Variants in SLC35D2 observed in about 807,000 individuals in gnomAD.
The protein encoded by SLC35D2 is solute carrier family 35 member D2.
A neutral mutation model predicts 41.8 loss-of-function variants in SLC35D2; 43 were observed. The ratio of observed to expected loss-of-function variants is 1.03; its 90% CI spans 0.81 to 1.33. The LOEUF (loss-of-function observed/expected upper bound fraction) is 1.33. SLC35D2 is among the 40% of genes most tolerant of loss of function. The pLI, the probability that SLC35D2 is intolerant of heterozygous loss-of-function variation, is 0.00. For missense variants in SLC35D2, 380 were observed against 408.4 expected (o/e 0.93, Z 0.60); for synonymous variants, 150 against 163.9 (o/e 0.92, Z 0.65).
intron 1 of SLC35D2, among the ~76,000 whole-genome samples, chr9:96,377,836 G>A (rs1831021699): frequency 2.6e-5 from 4 of 152,306 alleles, no homozygotes; most frequent in Admixed American, 2.6e-4. Context: ...CATTCCACAG[G>A]AGACAGAAAG....
chr9:96,343,193 C>T (rs1422374047), intron 8 of SLC35D2, among the ~76,000 whole-genome samples: 1 of 152,226 alleles, frequency 6.6e-6, no homozygotes, highest in Non-Finnish European at 1.5e-5. Flanking sequence ...AATGTCCACA[C>T]GTCCTGAGAG....
At chr9:96,325,196 G>A (rs950208244) in intron 9 of SLC35D2, among the ~76,000 whole-genome samples, 1 of 152,186 alleles carries the variant, frequency 6.6e-6, no homozygotes, top group African/African-American at 2.4e-5. Flanking sequence ...ACATACACAG[G>A]TAAAGAATGC....
At position 96,337,473 on chromosome 9, in the gene SLC35D2, C is replaced by T. The variant is rs182152833; in HGVS notation, c.685-689G>A. Among the ~76,000 whole-genome samples the T allele has an allele frequency of 6.8e-3, 1,027 of 152,066 alleles. 6 individuals are homozygous for T. Among genetic ancestry groups the T allele is most frequent in the Non-Finnish European group, 0.011 (715 of 68,000 alleles). On this transcript the variant is annotated intron_variant, in intron 8 of 11. Coordinates refer to ENST00000253270, the MANE Select transcript of SLC35D2 (RefSeq NM_007001.3). ...GCTCAAGTCATCTGCCTGCCTTGGCCTCCCAAAGTACTGGGATTACAGGCA... is the reference window on the plus strand; with the variant it reads ...GCTCAAGTCATCTGCCTGCCTTGGCTTCCCAAAGTACTGGGATTACAGGCA...
chr9:96,319,903 T>G (rs1828148301), downstream of SLC35D2, among the ~76,000 whole-genome samples: 1 of 152,228 alleles, frequency 6.6e-6, no homozygotes, highest in South Asian at 2.1e-4. Context: ...AGAGATCTAG[T>G]TGAATTTTAC....
Position 96,336,792 on chromosome 9 carries a change from T to A in SLC35D2, c.685-8A>T. On this transcript the variant is annotated splice_region_variant and splice_polypyrimidine_tract_variant and intron_variant, in intron 8 of 11. Transcript: ENST00000253270. ...TTGGTTGAATTCAGTAGCCTATTAT[T>A]AAAAAGAAAAAAACTAATGATTAGG... The A allele has an allele frequency of 6.6e-7, 1 of 1,517,914 alleles. No homozygotes were observed. Among genetic ancestry groups the A allele is most frequent in the South Asian group, 1.2e-5 (1 of 84,244 alleles). The allele number at this position is 1,517,914 out of a possible 1,614,324, so 94.0% of individuals were successfully genotyped here.
chr9:96,380,204 C>A (rs1427095636), intron 1 of SLC35D2, among the ~76,000 whole-genome samples: 1 of 151,064 alleles, frequency 6.6e-6, no homozygotes, highest in Non-Finnish European at 1.5e-5. Flanking sequence ...GCCCTTAGAG[C>A]CTTTCTTAGG....
At chr9:96,357,334 A>C (rs1348974621) in intron 4 of SLC35D2, 1 of 151,960 alleles carries the variant, frequency 6.6e-6, no homozygotes, top group African/African-American at 2.4e-5. Context: ...ATCCACATGC[A>C]AAAAAAATGA....
chr9:96,355,310 C>A (rs1015464430), intron 4 of SLC35D2, among the ~76,000 whole-genome samples: 1 of 151,270 alleles, frequency 6.6e-6, no homozygotes, highest in Non-Finnish European at 1.5e-5. Flanking sequence ...TAAGCCACCA[C>A]GCCAAGCCAA....
chr9:96,325,993 T>C (rs1456401373), intron 9 of SLC35D2, among the ~76,000 whole-genome samples: 2 of 152,188 alleles, frequency 1.3e-5, no homozygotes, highest in African/African-American at 4.8e-5. Context: ...AACTTCAAAC[T>C]TAAATTTTGT....
chr9:96,315,623 C>T (rs1184742686), intron 11 of SLC35D2, among the ~76,000 whole-genome samples: 9 of 151,892 alleles, frequency 5.9e-5, no homozygotes, highest in Admixed American at 1.3e-4. Flanking sequence ...TTAGTAGTGA[C>T]GGGGTTTCAC....
intron 8 of SLC35D2, among the ~76,000 whole-genome samples, chr9:96,338,895 A>G (rs1829178849): frequency 6.6e-6 from 1 of 152,204 alleles, no homozygotes; most frequent in Non-Finnish European, 1.5e-5. Flanking sequence ...TAAAATTGGG[A>G]ATAAGAGAAA....
chr9:96,360,245 A>C, intron 3 of SLC35D2, 24 bp from the exon 4 acceptor site: 1 of 1,578,712 alleles, frequency 6.3e-7, no homozygotes, highest in African/African-American at 1.3e-5. Context: ...AAAAAGAAGA[A>C]ATATTTGGTT....
intron 9 of SLC35D2, 106 bp downstream of exon 9, chr9:96,336,611 A>G (rs1404239217): frequency 1.3e-6 from 1 of 753,862 alleles, no homozygotes; most frequent in Non-Finnish European, 2.2e-6. Flanking sequence ...AGAGAAAGTC[A>G]GAGAAACACA....
intron 1 of SLC35D2, among the ~76,000 whole-genome samples, chr9:96,382,496 C>CTCTATATATATATATATA (rs1554719387): frequency 5.5e-5 from 7 of 127,914 alleles, no homozygotes; most frequent in African/African-American, 1.8e-4. Context: ...CACACACACA[C>CTCTATATATATATATATA]TATATATATA....
rs1321493266 is a variant in SLC35D2, at chr9:96,383,588, G to GCCGT, written c.46_47insACGG (p.Pro16HisfsTer71). 14 of 1,447,548 alleles carry GCCGT rather than the reference G, an allele frequency of 9.7e-6. No homozygotes were observed. In the East Asian group the frequency reaches 3.1e-4, roughly 32 times the overall value. The allele number at this position is 1,447,548 out of a possible 1,614,324, so 89.7% of individuals were successfully genotyped here. A position where few individuals can be genotyped will look rare whatever the true frequency, so the allele number is the denominator to read the frequency against. ...CCGCGAGGGCAGCCGCGCCGCGCCG[G>GCCGT]GCTCCCCGCCAGCGCCCTCGGCCTC... On this transcript the variant is annotated frameshift_variant, in exon 1 of 12. Transcript: ENST00000253270. LOFTEE classifies it high-confidence loss of function.
At chr9:96,350,537 C>G (rs535585516) in intron 6 of SLC35D2, among the ~76,000 whole-genome samples, 1 of 152,048 alleles carries the variant, frequency 6.6e-6, no homozygotes, top group Admixed American at 6.6e-5. Context: ...TTCACATGCA[C>G]TATCCACCAT....
chr9:96,322,004 T>C lies in SLC35D2; in HGVS notation c.908A>G (p.Asn303Ser), dbSNP rs1478602670. ...IFSLLNFVGL[N>S]ICMAGGLRYS... is the part of the protein sequence containing the mutation. ...ATTAAAAATTCCCACTCACCAAATA[T>C]TTAACCCTACAAAGTTTAACAAAGA... Residue 303 changes from asparagine (N) to serine (S), a missense_variant, in exon 11 of 12, where the codon AAT becomes AGT. Transcript: ENST00000253270. 1 of 1,584,410 alleles carries C rather than the reference T, an allele frequency of 6.3e-7. No homozygotes were observed. The highest frequency in any genetic ancestry group is 1.3e-5 in the African/African-American group (1 of 74,242).
chr9:96,320,264 A>G (rs1305151430), downstream of SLC35D2, among the ~76,000 whole-genome samples: 1 of 152,236 alleles, frequency 6.6e-6, no homozygotes, highest in African/African-American at 2.4e-5. Context: ...CTGTGATCCC[A>G]GCACTTTAGG....
chr9:96,380,463 CT>C (rs199972344), intron 1 of SLC35D2, among the ~76,000 whole-genome samples: 378 of 143,030 alleles, frequency 2.6e-3, no homozygotes, highest in Middle Eastern at 3.7e-3. Context: ...GGTATTTTTT[CT>C]TTTTTTTTTT....
Sources: allele counts gnomAD v4.1 joint callset (sites outside exome capture counted in the v4.1 genomes callset), GRCh38; gene constraint gnomAD v4.1.1; transcripts MANE v1.5; gene names NCBI Gene and HGNC (gene_info 2026-07-23, HGNC 2026-07-21).